The following PEBP4 variants were observed in gnomAD, a reference collection of about 807,000 sequenced individuals.
The protein encoded by PEBP4 is phosphatidylethanolamine-binding protein 4.
Under a neutral mutation model 23.9 loss-of-function variants are expected in PEBP4, and 22 were observed. That is an observed-to-expected ratio of 0.92 (90% CI 0.66 to 1.31). The LOEUF (loss-of-function observed/expected upper bound fraction) is 1.31, where lower values mean the gene tolerates loss of function less well. PEBP4 is among the 40% of genes most tolerant of loss of function. The probability of loss-of-function intolerance (pLI) is 0.00; values close to 1 mark genes in which losing one functional copy is unlikely to be tolerated. For missense variants in PEBP4, 324 were observed against 281.7 expected, an observed-to-expected ratio of 1.15 and a Z score of -1.07; for synonymous variants, 112 against 99.3, an observed-to-expected ratio of 1.13 and a Z score of -0.76.
intron 4 of PEBP4, among the ~76,000 whole-genome samples, chr8:22,768,125 C>T (rs920693860): frequency 1.3e-5 from 2 of 152,154 alleles, no homozygotes; most frequent in Non-Finnish European, 2.9e-5. Flanking sequence ...TCCCTAAATG[C>T]CCTAGGGTCT....
At chr8:22,723,070 C>A (rs528524604) in intron 6 of PEBP4, among the ~76,000 whole-genome samples, 1 of 151,266 alleles carries the variant, frequency 6.6e-6, no homozygotes, top group South Asian at 2.1e-4. Context: ...TGTGAGCCAC[C>A]GCGCCCAGCC....
chr8:22,829,458 A>G (rs1807036942), intron 3 of PEBP4, among the ~76,000 whole-genome samples: 1 of 152,154 alleles, frequency 6.6e-6, no homozygotes, highest in African/African-American at 2.4e-5. Context: ...AGTAGGTAAC[A>G]TTCTCATTGA....
intron 3 of PEBP4, among the ~76,000 whole-genome samples, chr8:22,892,823 CAAATG>C (rs1229119529): frequency 6.6e-6 from 1 of 152,108 alleles, no homozygotes; most frequent in African/African-American, 2.4e-5. Context: ...AGAGGGGAAA[CAAATG>C]AAGGTCTTAC....
At chr8:22,746,096 T>A (rs2128751097) in intron 4 of PEBP4, among the ~76,000 whole-genome samples, 1 of 151,188 alleles carries the variant, frequency 6.6e-6, no homozygotes, top group East Asian at 2.0e-4. Context: ...AGGAGAAGCC[T>A]TTTCATATTA....
intron 4 of PEBP4, among the ~76,000 whole-genome samples, chr8:22,784,710 T>C (rs1441787633): frequency 6.6e-6 from 1 of 152,218 alleles, no homozygotes; most frequent in African/African-American, 2.4e-5. Context: ...AGCCCTTGCA[T>C]GTTAAATGAA....
chr8:22,857,412 T>C (rs1468734980), intron 3 of PEBP4, among the ~76,000 whole-genome samples: 1 of 152,186 alleles, frequency 6.6e-6, no homozygotes, highest in Non-Finnish European at 1.5e-5. Flanking sequence ...AGAAAACACT[T>C]GTGGCCAGAG....
intron 3 of PEBP4, chr8:22,897,598 A>G (rs1192455218): frequency 6.6e-6 from 1 of 152,172 alleles, no homozygotes; most frequent in African/African-American, 2.4e-5. Context: ...TTTATAGTTG[A>G]GTAAACTGGC....
intron 3 of PEBP4, among the ~76,000 whole-genome samples, chr8:22,898,407 A>AC (rs1563253523): frequency 1.4e-5 from 2 of 138,914 alleles, no homozygotes; most frequent in African/African-American, 5.4e-5. Flanking sequence ...AAAAAAAAAA[A>AC]AAAAAAAAAA....
chr8:22,741,038 A>G (rs533187239), intron 4 of PEBP4, among the ~76,000 whole-genome samples: 2 of 152,208 alleles, frequency 1.3e-5, no homozygotes, highest in Admixed American at 6.5e-5. Context: ...GGGAAGAGAC[A>G]GATGGGATGG....
intron 4 of PEBP4, among the ~76,000 whole-genome samples, chr8:22,808,084 C>T (rs1261404728): frequency 6.6e-6 from 1 of 151,384 alleles, no homozygotes; most frequent in Non-Finnish European, 1.5e-5. Context: ...CCTATCCAAC[C>T]TCTATCCATC....
intron 4 of PEBP4, chr8:22,757,725 T>C (rs1805419507): frequency 6.6e-6 from 1 of 152,256 alleles, no homozygotes; most frequent in Admixed American, 6.5e-5. Flanking sequence ...GTACTGGGAC[T>C]CAGTGGCTGA....
rs141721460 is a variant in PEBP4, at chr8:22,740,737, G to A, written c.358-13517C>T. ...CCCTGTGGCCCCAGCTCTCAAGTCAGACCCTTCAGACAGGTTGGGTTCCTG... is the reference window on the plus strand; with the variant it reads ...CCCTGTGGCCCCAGCTCTCAAGTCAAACCCTTCAGACAGGTTGGGTTCCTG... On this transcript the variant is annotated intron_variant, in intron 4 of 6. Transcript: ENST00000256404. Among the ~76,000 whole-genome samples the A allele has an allele frequency of 3.0e-4, 45 of 152,292 alleles. 1 individual carries two copies. In the East Asian group the frequency reaches 7.5e-3, roughly 25 times the overall value.
chr8:22,936,692 C>T (rs1325226094), intron 1 of PEBP4, among the ~76,000 whole-genome samples: 1 of 152,084 alleles, frequency 6.6e-6, no homozygotes, highest in Non-Finnish European at 1.5e-5. Flanking sequence ...AACTCTGATG[C>T]AAAAGTCCCC....
intron 4 of PEBP4, among the ~76,000 whole-genome samples, chr8:22,814,304 T>G (rs189681354): frequency 5.0e-4 from 76 of 152,304 alleles, no homozygotes; most frequent in Non-Finnish European, 7.6e-4. Context: ...CTATACTGAA[T>G]AGTGTTCTAT....
intron 3 of PEBP4, among the ~76,000 whole-genome samples, chr8:22,856,811 C>T (rs939687533): frequency 3.9e-5 from 6 of 152,074 alleles, no homozygotes; most frequent in African/African-American, 1.4e-4. Context: ...GGATCTTACC[C>T]CCAGAAATTA....
chr8:22,852,532 G>A (rs923194171), intron 3 of PEBP4, among the ~76,000 whole-genome samples: 5 of 152,054 alleles, frequency 3.3e-5, no homozygotes, highest in Non-Finnish European at 5.9e-5. Context: ...GAACAGCAGC[G>A]AGAAACACAC....
At chr8:22,772,729 C>T (rs1267942099) in intron 4 of PEBP4, among the ~76,000 whole-genome samples, 1 of 152,152 alleles carries the variant, frequency 6.6e-6, no homozygotes, top group Non-Finnish European at 1.5e-5. Flanking sequence ...TGGTCTGGGA[C>T]CCAGGCCCTA....
At chr8:22,817,573 A>C in intron 4 of PEBP4, 64 bp downstream of exon 4, 1 of 1,449,664 alleles carries the variant, frequency 6.9e-7, no homozygotes, top group Non-Finnish European at 9.7e-7. Context: ...TGGGAACTGC[A>C]CTGAATGATA....
rs1293489335 is a variant in PEBP4, at chr8:22,859,882, G to C, written c.259-42147C>G. On this transcript the variant is annotated intron_variant, in intron 3 of 6. Coordinates refer to ENST00000256404, the MANE Select transcript of PEBP4 (RefSeq NM_144962.3). ...TTTTAAAAAATATTGTCTTTGGGAG[G>C]CTGAGGCAGGAGGATCACTTGAGCC... 2.0e-5 allele frequency among the ~76,000 whole-genome samples: 3 copies of C among 151,726 alleles called. No individual in the cohort carries two copies. The East Asian group carries it at 5.8e-4, about 29-fold the overall frequency.
Sources: gnomAD v4.1 joint callset for allele counts (sites outside exome capture counted in the v4.1 genomes callset) on GRCh38, gnomAD v4.1.1 for gene constraint, MANE v1.5 for transcripts, NCBI Gene and HGNC (gene_info 2026-07-23, HGNC 2026-07-21) for gene names.